EPHA8: variants seen among roughly 807,000 people sequenced by gnomAD.
The protein encoded by EPHA8 is ephrin type-A receptor 8.
Under a neutral mutation model 103.6 loss-of-function variants are expected in EPHA8, and 58 were observed. The ratio of observed to expected loss-of-function variants is 0.56; its 90% confidence interval spans 0.45 to 0.70. The LOEUF is 0.70. EPHA8 is among the 30% of genes least tolerant of loss of function. The probability of loss-of-function intolerance (pLI) is 0.00; values close to 1 mark genes in which losing one functional copy is unlikely to be tolerated. For missense variants in EPHA8, 1,304 were observed against 1,395.2 expected (o/e 0.93, Z 1.04); for synonymous variants, 559 against 572.5 (o/e 0.98, Z 0.34).
At chr1:22,586,975 G>A (rs779337524) in intron 4 of EPHA8, among the ~76,000 whole-genome samples, 10 of 152,284 alleles carry the variant, frequency 6.6e-5, no homozygotes, top group Non-Finnish European at 1.5e-4. Context: ...CAGGGTGCTC[G>A]CCTGTGCGGA....
chr1:22,601,227 C>T, intron 15 of EPHA8, 73 bp from the exon 16 acceptor site: 7 of 1,543,604 alleles, frequency 4.5e-6, no homozygotes, highest in Non-Finnish European at 6.1e-6. Flanking sequence ...CGAACCCCTT[C>T]CTCAGCCTGC....
chr1:22,583,809 G>A (rs963454610), intron 3 of EPHA8, among the ~76,000 whole-genome samples: 1 of 152,188 alleles, frequency 6.6e-6, no homozygotes, highest in Admixed American at 6.5e-5. Context: ...CCGAGCTTCT[G>A]CTCGGGCCTG....
chr1:22,600,126 GGA>G (rs1206586305), intron 13 of EPHA8, among the ~76,000 whole-genome samples: 3 of 120,254 alleles, frequency 2.5e-5, no homozygotes, highest in African/African-American at 9.7e-5. Flanking sequence ...AAGGAGGGAA[GGA>G]GAGAAGGAAG....
intron 3 of EPHA8, among the ~76,000 whole-genome samples, chr1:22,578,605 G>C (rs568256498): frequency 6.6e-6 from 1 of 151,884 alleles, no homozygotes; most frequent in South Asian, 2.1e-4. Flanking sequence ...GTGCATGTGT[G>C]CATGAGTGTA....
intron 2 of EPHA8, among the ~76,000 whole-genome samples, chr1:22,575,250 CTTATTATTAT>C (rs5773011): frequency 6.6e-6 from 1 of 151,948 alleles, no homozygotes; most frequent in Non-Finnish European, 1.5e-5. Flanking sequence ...CGCACCTGGC[CTTATTATTAT>C]TGTTTTTTAT....
intron 2 of EPHA8, among the ~76,000 whole-genome samples, chr1:22,575,497 T>C (rs1033664633): frequency 6.6e-6 from 1 of 152,254 alleles, no homozygotes; most frequent in Admixed American, 6.5e-5. Context: ...ATTAATCCCT[T>C]ATCAGCTACA....
rs767772053 is a variant in EPHA8, at chr1:22,593,465, A to T, written c.1440+15A>T. The T allele has an allele frequency of 2.5e-6, 4 of 1,610,228 alleles. No homozygotes were observed. Among genetic ancestry groups the T allele is most frequent in the Non-Finnish European group, 3.4e-6 (4 of 1,177,834 alleles). The stretch of plus-strand genomic sequence containing the variant: ...ACTACGAGAAGGTACCACGGGCAGG[A>T]CGGAGTGGGAGGGGCTGGGCCAGCA... On this transcript the variant is annotated intron_variant, in intron 6 of 16. Coordinates refer to ENST00000166244, the MANE Select transcript of EPHA8 (RefSeq NM_020526.5).
rs1640254864 is a variant in EPHA8, at chr1:22,563,497, T to TGGGAGCCGCGTGTGCGCC, written c.-135_-118dup. The TGGGAGCCGCGTGTGCGCC allele has an allele frequency of 7.0e-6, 1 of 143,596 alleles. No homozygotes were observed. The allele number at this position is 143,596 out of a possible 1,614,324, so 8.9% of individuals were successfully genotyped here. Reference sequence around the variant, plus strand: ...CGGGCGCGGGTGCCCGCGTGTGCGCTGGGAGCCGCGTGTGCGCCGGGGTGT... The same window carrying TGGGAGCCGCGTGTGCGCC: ...CGGGCGCGGGTGCCCGCGTGTGCGCTGGGAGCCGCGTGTGCGCCGGGAGCCGCGTGTGCGCCGGGGTGT... On this transcript the variant is annotated 5_prime_UTR_variant, in exon 1 of 17. Transcript: ENST00000166244. The surrounding 1 kb of genome is among the most constrained non-coding windows in gnomAD (Gnocchi z 4.4).
At chr1:22,590,028 C>T (rs1276180365) in intron 5 of EPHA8, among the ~76,000 whole-genome samples, 1 of 152,188 alleles carries the variant, frequency 6.6e-6, no homozygotes, top group Non-Finnish European at 1.5e-5. Flanking sequence ...CTGTGTCACT[C>T]CCAAGTGAAG....
intron 2 of EPHA8, among the ~76,000 whole-genome samples, chr1:22,573,246 G>A (rs923178996): frequency 3.3e-5 from 5 of 152,158 alleles, no homozygotes; most frequent in East Asian, 1.9e-4. Flanking sequence ...GGAGGCAGGC[G>A]CGGTAGGCTG....
In EPHA8 at chr1:22,601,078, A is replaced by G; in HGVS notation, c.2719A>G (p.Thr907Ala). The stretch of plus-strand genomic sequence containing the variant: ...CCCTGAGAGTCTCAGGGCCACCGCC[A>G]CAGTCAGCAGGTGCCTTGTGCCCAC... ...RSPESLRATA[T>A]VSRCPPPAFV... Residue 907 changes from threonine (T) to alanine (A), a missense_variant, in exon 15 of 17, where the codon ACA (threonine) becomes GCA (alanine). Thr to Ala is a moderately conservative substitution (Grantham distance 58, BLOSUM62 0). Transcript: ENST00000166244. 1 of 1,606,362 alleles carries G rather than the reference A, an allele frequency of 6.2e-7. No homozygotes were observed. Among genetic ancestry groups the G allele is most frequent in the Non-Finnish European group, 8.5e-7 (1 of 1,176,342 alleles).
intron 3 of EPHA8, among the ~76,000 whole-genome samples, chr1:22,585,052 C>CGCGCGCGCGCGCGCGCGT (rs147149954): frequency 6.9e-6 from 1 of 144,370 alleles, no homozygotes; most frequent in African/African-American, 2.7e-5. Context: ...TGTGTGTGTG[C>CGCGCGCGCGCGCGCGCGT]GCACGCGTGT....
chr1:22,580,907 G>A (rs115275879), intron 3 of EPHA8, among the ~76,000 whole-genome samples: 66 of 152,278 alleles, frequency 4.3e-4, no homozygotes, highest in African/African-American at 1.5e-3. Flanking sequence ...TGCTTTGTCC[G>A]CCAGAGCTGC....
At position 22,569,301 on chromosome 1, in the gene EPHA8, A is replaced by G; in HGVS notation, c.107A>G (p.Asp36Gly). Residue 36 changes from aspartate to glycine, a missense_variant, in exon 2 of 17, where the codon GAC becomes GGC. Coordinates refer to ENST00000166244, the MANE Select transcript of EPHA8 (RefSeq NM_020526.5). The surrounding 1 kb of genome is among the most constrained non-coding windows in gnomAD (Gnocchi z 4.5). The part of the protein sequence containing the change: ...SAARGEVNLL[D>G]TSTIHGDWGW... ...TCCTGTTTTACAGTGAATTTGCTGG[A>G]CACGTCGACCATCCACGGGGACTGG... is the stretch of plus-strand genomic sequence containing the variant. 1 of 1,612,788 alleles carries G rather than the reference A, an allele frequency of 6.2e-7. No individual in the cohort carries two copies. Among genetic ancestry groups the G allele is most frequent in the Non-Finnish European group, 8.5e-7 (1 of 1,179,396 alleles).
At chr1:22,574,788 CT>C (rs1448806490) in intron 2 of EPHA8, among the ~76,000 whole-genome samples, 1 of 152,172 alleles carries the variant, frequency 6.6e-6, no homozygotes, top group Non-Finnish European at 1.5e-5. Context: ...GCTTTCAATT[CT>C]TTGGGATATA....
chr1:22,595,876 G>A (rs1361326405), intron 8 of EPHA8, among the ~76,000 whole-genome samples: 1 of 152,234 alleles, frequency 6.6e-6, no homozygotes, highest in Non-Finnish European at 1.5e-5. Context: ...AGGTGGACTT[G>A]AGGGCATTTT....
At position 22,597,502 on chromosome 1, in the gene EPHA8, G is replaced by C; in HGVS notation, c.1930+26G>C. ...GTGAGTCTCAGGGGTTGTGAGGGCG[G>C]GGCCAGCATGGGGCAAGGTGGGGGC... On this transcript the variant is annotated intron_variant, in intron 10 of 16. Transcript: ENST00000166244. This position sits in a 1 kb window ranked among gnomAD's most constrained non-coding sequence, Gnocchi z 4.6. The C allele has an allele frequency of 6.2e-7, 1 of 1,604,988 alleles. No individual in the cohort carries two copies. Among genetic ancestry groups the C allele is most frequent in the South Asian group, 1.1e-5 (1 of 89,874 alleles).
At chr1:22,578,698 TGTG>T (rs1557561364) in intron 3 of EPHA8, among the ~76,000 whole-genome samples, 9 of 75,124 alleles carry the variant, frequency 1.2e-4, no homozygotes, top group Middle Eastern at 5.4e-3. Flanking sequence ...TATGTGTGCC[TGTG>T]TGTGTATGTA....
intron 3 of EPHA8, among the ~76,000 whole-genome samples, chr1:22,578,042 T>G (rs945232946): frequency 9.9e-4 from 4 of 4,024 alleles, no homozygotes; most frequent in Non-Finnish European, 2.4e-3. Flanking sequence ...TGTGTATGTA[T>G]GTGCATGTGT....
Sources: allele counts gnomAD v4.1 joint callset (sites outside exome capture counted in the v4.1 genomes callset), GRCh38; gene constraint gnomAD v4.1.1; non-coding constraint Gnocchi (gnomAD v3.1); transcripts MANE v1.5; gene names NCBI Gene and HGNC (gene_info 2026-07-23, HGNC 2026-07-21).